Variants in ARFIP1 observed in about 807,000 individuals in gnomAD.
The protein encoded by ARFIP1 is ARF interacting protein 1, also known as arfaptin-1.
Under a neutral mutation model 42.5 loss-of-function variants are expected in ARFIP1, and 24 were observed. The ratio of observed to expected loss-of-function variants is 0.57; its 90% CI spans 0.41 to 0.80. The LOEUF (loss-of-function observed/expected upper bound fraction) is 0.80, where lower values mean the gene tolerates loss of function less well. ARFIP1 is among the 30% of genes least tolerant of loss of function. The pLI, the probability that ARFIP1 is intolerant of heterozygous loss-of-function variation, is 0.00. For missense variants in ARFIP1, 354 were observed against 434.0 expected, an observed-to-expected ratio of 0.82 and a Z score of 1.64; for synonymous variants, 141 against 153.7, an observed-to-expected ratio of 0.92 and a Z score of 0.61.
intron 5 of ARFIP1, among the ~76,000 whole-genome samples, chr4:152,874,997 A>G (rs573818635): frequency 2.6e-5 from 4 of 152,176 alleles, no homozygotes; most frequent in Non-Finnish European, 4.4e-5. Flanking sequence ...GATTCTGGCT[A>G]TGTCTTTGGT....
chr4:152,850,450 AGATGACAAT>A (rs1732887036), intron 2 of ARFIP1, among the ~76,000 whole-genome samples: 1 of 151,910 alleles, frequency 6.6e-6, no homozygotes, highest in South Asian at 2.1e-4. Context: ...GAAAGAAGGT[AGATGACAAT>A]GTTGAGGTGG....
intron 1 of ARFIP1, among the ~76,000 whole-genome samples, chr4:152,802,675 G>C (rs1425231082): frequency 6.6e-6 from 1 of 152,098 alleles, no homozygotes; most frequent in Non-Finnish European, 1.5e-5. Flanking sequence ...CAAGGCTAAG[G>C]CAAGTTCTTT....
At chr4:152,786,214 G>A (rs1220465661) in intron 1 of ARFIP1, among the ~76,000 whole-genome samples, 1 of 152,164 alleles carries the variant, frequency 6.6e-6, no homozygotes, top group Non-Finnish European at 1.5e-5. Context: ...AAGGGCATGA[G>A]TGTTTTCTGT....
rs138727011 is a variant in ARFIP1 at position 152,793,274 on chromosome 4, C to T, written c.-10+13048C>T. ...AAAGAATGAGCCGAGATAGCACCAT[C>T]GTACTCCAGCCTGGGCAACAAGAGC... is the stretch of plus-strand genomic sequence containing the variant. On this transcript the variant is annotated intron_variant, in intron 1 of 8. Transcript: ENST00000353617. Among the ~76,000 whole-genome samples the T allele has an allele frequency of 8.9e-3, 1,310 of 147,256 alleles. 21 individuals carry two copies. The highest frequency in any genetic ancestry group is 0.029 in the African/African-American group (1,175 of 39,962).
At chr4:152,853,411 C>G (rs1733154824) in intron 2 of ARFIP1, among the ~76,000 whole-genome samples, 1 of 152,190 alleles carries the variant, frequency 6.6e-6, no homozygotes, top group South Asian at 2.1e-4. Flanking sequence ...CTTTATTTCT[C>G]CTTCTGGTAA....
intron 3 of ARFIP1, 64 bp from the exon 4 acceptor site, chr4:152,870,689 T>A (rs1200038166): frequency 1.3e-5 from 14 of 1,115,522 alleles, no homozygotes; most frequent in Non-Finnish European, 1.8e-5. Context: ...TAACCCTATA[T>A]TCAAAATGTA....
intron 1 of ARFIP1, among the ~76,000 whole-genome samples, chr4:152,815,630 A>G (rs1729804528): frequency 6.6e-6 from 1 of 152,170 alleles, no homozygotes; most frequent in South Asian, 2.1e-4. Context: ...TATTCAGCCA[A>G]AACTCTTGAG....
chr4:152,799,727 AATCT>A (rs61547379), intron 1 of ARFIP1, among the ~76,000 whole-genome samples: 2,890 of 152,254 alleles, frequency 0.019, 81 homozygotes, highest in African/African-American at 0.065. Context: ...CAGATCTCTG[AATCT>A]ATCCTGTTGA....
chr4:152,859,628 T>G lies in ARFIP1; in HGVS notation c.94-3978T>G, dbSNP rs544303791. ...TTCCTATCCCTACTGAAGGTACTTA[T>G]TTTTAATGATCTTCCAGCTGGGCTT... On this transcript the variant is annotated intron_variant, in intron 2 of 8. Transcript: ENST00000353617. Among the ~76,000 whole-genome samples, 10 of 152,248 alleles carry G rather than the reference T, an allele frequency of 6.6e-5. No individual in the cohort carries two copies. The East Asian group carries it at 1.7e-3, about 26-fold the overall frequency.
rs574636280 is a variant in ARFIP1 at position 152,859,024 on chromosome 4, T to G, written c.94-4582T>G. ...CCAAGACCAATATTTTTCTTTTCCTTTATAAGAGACATACTAGTTTATCTC... is the reference window on the plus strand; with the variant it reads ...CCAAGACCAATATTTTTCTTTTCCTGTATAAGAGACATACTAGTTTATCTC... On this transcript the variant is annotated intron_variant, in intron 2 of 8. Transcript: ENST00000353617. 7.9e-5 allele frequency among the ~76,000 whole-genome samples: 12 copies of G among 152,326 alleles called. No homozygotes were observed. The South Asian group carries it at 2.5e-3, about 32-fold the overall frequency.
chr4:152,813,583 G>A (rs1385255512), intron 1 of ARFIP1, among the ~76,000 whole-genome samples: 2 of 151,512 alleles, frequency 1.3e-5, no homozygotes, highest in African/African-American at 4.9e-5. Flanking sequence ...TATACTTTTA[G>A]TGGTTGCCAT....
chr4:152,879,536 G>C (rs1042170814), intron 5 of ARFIP1, among the ~76,000 whole-genome samples: 1 of 152,104 alleles, frequency 6.6e-6, no homozygotes, highest in Non-Finnish European at 1.5e-5. Context: ...TGAAGAACAT[G>C]ATAAAGAGCA....
At chr4:152,808,059 C>T (rs150653172) in intron 1 of ARFIP1, among the ~76,000 whole-genome samples, 1 of 152,212 alleles carries the variant, frequency 6.6e-6, no homozygotes, top group East Asian at 1.9e-4. Context: ...TGGCTCACTG[C>T]AGCCTCCGCC....
intron 1 of ARFIP1, among the ~76,000 whole-genome samples, chr4:152,818,204 C>T (rs201702407): frequency 1.3e-5 from 2 of 152,166 alleles, no homozygotes; most frequent in South Asian, 2.1e-4. Flanking sequence ...AACAGAAAAA[C>T]GGAAACTACA....
intron 1 of ARFIP1, chr4:152,807,240 T>C (rs1007638187): frequency 6.6e-6 from 1 of 151,846 alleles, no homozygotes; most frequent in African/African-American, 2.4e-5. Flanking sequence ...TAGGAGTACA[T>C]GTCTACAAGT....
intron 8 of ARFIP1, among the ~76,000 whole-genome samples, chr4:152,904,199 T>TATATATATA (rs1554036703): frequency 2.5e-5 from 2 of 79,954 alleles, no homozygotes; most frequent in African/African-American, 1.3e-4. Flanking sequence ...TATATATATA[T>TATATATATA]TTTTTTTTTT....
intron 1 of ARFIP1, among the ~76,000 whole-genome samples, chr4:152,804,394 TTA>T (rs1282977785): frequency 9.7e-6 from 1 of 103,010 alleles, no homozygotes; most frequent in African/African-American, 3.9e-5. Context: ...GTATTATATA[TTA>T]TATATAATAT....
Position 152,844,976 on chromosome 4 carries a change from T to C in ARFIP1, c.93+15250T>C, listed in dbSNP as rs531622589. 3.3e-5 allele frequency among the ~76,000 whole-genome samples: 5 copies of C among 152,306 alleles called. No homozygotes were observed. The South Asian group carries it at 1.0e-3, about 32-fold the overall frequency. On this transcript the variant is annotated intron_variant, in intron 2 of 8. Coordinates refer to ENST00000353617, the MANE Select transcript of ARFIP1 (RefSeq NM_001025595.3). ...GCAACTTCAAACTATAAGGCTATAGTAACCAAAACATCATGGTACTGGTAC... is the reference window on the plus strand; with the variant it reads ...GCAACTTCAAACTATAAGGCTATAGCAACCAAAACATCATGGTACTGGTAC...
intron 1 of ARFIP1, among the ~76,000 whole-genome samples, chr4:152,786,512 A>G (rs1285114421): frequency 6.6e-6 from 1 of 152,050 alleles, no homozygotes; most frequent in Non-Finnish European, 1.5e-5. Flanking sequence ...TGACTCTTGA[A>G]TTTTTCTATT....
Sources: allele counts gnomAD v4.1 joint callset (sites outside exome capture counted in the v4.1 genomes callset), GRCh38; gene constraint gnomAD v4.1.1; transcripts MANE v1.5; gene names NCBI Gene and HGNC (gene_info 2026-07-23, HGNC 2026-07-21).